NOS1AP: variants seen among roughly 807,000 people sequenced by gnomAD.
The protein encoded by NOS1AP is nitric oxide synthase 1 adaptor protein, also known as carboxyl-terminal PDZ ligand of neuronal nitric oxide synthase protein.
A neutral mutation model predicts 56.2 loss-of-function variants in NOS1AP; 21 were observed. The observed-to-expected ratio is 0.37, with a 90% CI of 0.26 to 0.54. The LOEUF (loss-of-function observed/expected upper bound fraction) is 0.54, where lower values mean the gene tolerates loss of function less well. NOS1AP is among the 20% of genes least tolerant of loss of function. NOS1AP has a pLI of 0.84. For missense variants in NOS1AP, 522 were observed against 657.8 expected (o/e 0.79, Z 2.26); for synonymous variants, 270 against 274.6 (o/e 0.98, Z 0.17).
intron 2 of NOS1AP, among the ~76,000 whole-genome samples, chr1:162,215,106 G>A (rs1000646303): frequency 6.6e-6 from 1 of 152,208 alleles, no homozygotes; most frequent in Non-Finnish European, 1.5e-5. Context: ...GAGCATGCTT[G>A]GGAGGGATCT....
At position 162,369,107 on chromosome 1, in the gene NOS1AP, TTATA is replaced by T. The variant is rs544870282; in HGVS notation, c.*1645_*1648del. 11 of 152,296 alleles carry T rather than the reference TTATA, an allele frequency of 7.2e-5. No individual in the cohort carries two copies. Among genetic ancestry groups the T allele is most frequent in the Non-Finnish European group, 1.5e-4 (10 of 68,020 alleles). 9.4% of individuals were successfully genotyped at this position (152,296 alleles called of 1,614,324 possible). ...TTTGTGTGTGTGTGTACACATGTGTTTATATATACATGTGTGAGGGAAAGTGTGT... is the reference window on the plus strand; with the variant it reads ...TTTGTGTGTGTGTGTACACATGTGTTTATACATGTGTGAGGGAAAGTGTGT... On this transcript the variant is annotated 3_prime_UTR_variant, in exon 10 of 10. Coordinates refer to ENST00000361897, the MANE Select transcript of NOS1AP (RefSeq NM_014697.3).
intron 1 of NOS1AP, among the ~76,000 whole-genome samples, chr1:162,114,472 C>G (rs918619936): frequency 6.6e-6 from 1 of 152,058 alleles, no homozygotes; most frequent in African/African-American, 2.4e-5. Flanking sequence ...GATGGTTTCC[C>G]TAAAAGCCAG....
Position 162,289,196 on chromosome 1 carries a change from C to CTTCCTTCCTTCCTTTCCTTCCT in NOS1AP, c.270+1762_270+1783dup, listed in dbSNP as rs1553202240. Among the ~76,000 whole-genome samples the CTTCCTTCCTTCCTTTCCTTCCT allele has an allele frequency of 8.6e-4, 110 of 127,358 alleles. 2 individuals are homozygous for CTTCCTTCCTTCCTTTCCTTCCT. Among genetic ancestry groups the CTTCCTTCCTTCCTTTCCTTCCT allele is most frequent in the African/African-American group, 2.9e-3 (98 of 33,348 alleles). The allele number at this position is 127,358 out of a possible 152,430, so 83.6% of individuals were successfully genotyped here. ...ACATATCTTTGTTTGCCTTTCTTTC[C>CTTCCTTCCTTCCTTTCCTTCCT]TTCCTTCCTTCCTTTCCTTCCTTCC... On this transcript the variant is annotated intron_variant, in intron 3 of 9. Coordinates refer to ENST00000361897, the MANE Select transcript of NOS1AP (RefSeq NM_014697.3).
chr1:162,209,128 CA>C (rs1338628187), intron 2 of NOS1AP, among the ~76,000 whole-genome samples: 1 of 152,148 alleles, frequency 6.6e-6, no homozygotes. Context: ...TCTGGAATCC[CA>C]TTTATGGCCT....
At chr1:162,216,751 A>T (rs1213673361) in intron 2 of NOS1AP, among the ~76,000 whole-genome samples, 2 of 152,200 alleles carry the variant, frequency 1.3e-5, no homozygotes, top group African/African-American at 4.8e-5. Context: ...AAGAACACTG[A>T]CTGTGGAATC....
At chr1:162,305,778 A>C (rs1048208164) in intron 4 of NOS1AP, among the ~76,000 whole-genome samples, 2 of 152,244 alleles carry the variant, frequency 1.3e-5, no homozygotes, top group Non-Finnish European at 2.9e-5. Context: ...TTATTTGCTT[A>C]GCAAACTGTG....
intron 1 of NOS1AP, among the ~76,000 whole-genome samples, chr1:162,098,102 CTTTTTTT>C (rs35307081): frequency 2.5e-5 from 2 of 80,612 alleles, no homozygotes; most frequent in African/African-American, 5.1e-5. Context: ...CTCTCTTTTG[CTTTTTTT>C]TTTTTTTTTT....
intron 2 of NOS1AP, among the ~76,000 whole-genome samples, chr1:162,241,894 A>T (rs977786119): frequency 2.6e-5 from 4 of 152,186 alleles, no homozygotes; most frequent in African/African-American, 7.2e-5. Flanking sequence ...AACCCTGGGA[A>T]AATGAAAATC....
intron 1 of NOS1AP, among the ~76,000 whole-genome samples, chr1:162,127,527 TAA>T (rs76852734): frequency 3.5e-5 from 4 of 113,550 alleles, no homozygotes; most frequent in Non-Finnish European, 2.0e-5. Context: ...GGGTACTTTA[TAA>T]AAAAAAAAAA....
intron 1 of NOS1AP, among the ~76,000 whole-genome samples, chr1:162,149,840 A>C (rs1365459405): frequency 1.3e-5 from 2 of 152,188 alleles, no homozygotes; most frequent in Non-Finnish European, 2.9e-5. Context: ...ATTTATTTTC[A>C]ATTTTTGTGG....
chr1:162,314,041 G>C (rs149902137), intron 4 of NOS1AP, among the ~76,000 whole-genome samples: 2 of 152,276 alleles, frequency 1.3e-5, no homozygotes, highest in African/African-American at 4.8e-5. Flanking sequence ...CATACTTCAC[G>C]ACAAAGCTGG....
intron 1 of NOS1AP, among the ~76,000 whole-genome samples, chr1:162,074,288 A>C (rs1381334359): frequency 6.6e-6 from 1 of 151,946 alleles, no homozygotes; most frequent in African/African-American, 2.4e-5. Context: ...TAATCCTCAC[A>C]CTCCAGGGCT....
chr1:162,139,704 G>A (rs1649151923), intron 1 of NOS1AP, among the ~76,000 whole-genome samples: 1 of 152,094 alleles, frequency 6.6e-6, no homozygotes, highest in Admixed American at 6.5e-5. Flanking sequence ...TTAAAATATT[G>A]GTTTCTCCTT....
rs149143228 is a variant in NOS1AP at position 162,252,958 on chromosome 1, C to T, written c.178-34386C>T. 5.5e-3 allele frequency among the ~76,000 whole-genome samples: 835 copies of T among 152,276 alleles called. 5 individuals carry two copies. The highest frequency in any genetic ancestry group is 0.01 in the Non-Finnish European group (691 of 68,032). ...TGTTGGGCAGTGCTCTTCTATAGCA[C>T]TTGGTATATGCTGGTACATGCCTGG... On this transcript the variant is annotated intron_variant, in intron 2 of 9. Coordinates refer to ENST00000361897, the MANE Select transcript of NOS1AP (RefSeq NM_014697.3).
intron 4 of NOS1AP, among the ~76,000 whole-genome samples, chr1:162,302,716 G>A (rs547180528): frequency 6.6e-6 from 1 of 152,250 alleles, no homozygotes; most frequent in Admixed American, 6.5e-5. Flanking sequence ...GAATAACTTG[G>A]TGAATAAATC....
intron 1 of NOS1AP, among the ~76,000 whole-genome samples, chr1:162,085,027 A>G (rs574267904): frequency 1.3e-5 from 2 of 152,114 alleles, no homozygotes; most frequent in Non-Finnish European, 2.9e-5. Flanking sequence ...TTTTATTGTC[A>G]TACTGTGCTG....
Position 162,365,469 on chromosome 1 carries a change from G to A in NOS1AP, c.1005G>A (p.Val335=), listed in dbSNP as rs1190898213. The change falls in exon 9 of 10, where the codon GTG becomes GTA. Residue 335 remains valine, a synonymous_variant. Transcript: ENST00000361897. ...CGCGGCTGGAGGCCCAGGCTCGCGTGCATCAGCTTTTGCTGCAGAACAAGG... is the reference window on the plus strand; with the variant it reads ...CGCGGCTGGAGGCCCAGGCTCGCGTACATCAGCTTTTGCTGCAGAACAAGG... ...AAARLEAQAR[V]HQLLLQNKDM... 6.2e-7 allele frequency: 1 copy of A among 1,614,010 alleles called. No homozygotes were observed. Among genetic ancestry groups the A allele is most frequent in the Non-Finnish European group, 8.5e-7 (1 of 1,180,040 alleles).
At chr1:162,259,853 T>A (rs967058989) in intron 2 of NOS1AP, among the ~76,000 whole-genome samples, 2 of 152,200 alleles carry the variant, frequency 1.3e-5, no homozygotes, top group Non-Finnish European at 2.9e-5. Context: ...TGTTTCCTAG[T>A]TGCATTTATT....
chr1:162,104,206 C>A (rs950793667), intron 1 of NOS1AP, among the ~76,000 whole-genome samples: 5 of 152,166 alleles, frequency 3.3e-5, no homozygotes, highest in Non-Finnish European at 7.3e-5. Context: ...GTTGGAAATT[C>A]TTTGCTTTAA....
Sources: gnomAD v4.1 joint callset for allele counts (sites outside exome capture counted in the v4.1 genomes callset) on GRCh38, gnomAD v4.1.1 for gene constraint, MANE v1.5 for transcripts, NCBI Gene and HGNC (gene_info 2026-07-23, HGNC 2026-07-21) for gene names.